Variants in PGS1 observed in about 807,000 individuals in gnomAD.
PGS1 encodes the protein phosphatidylglycerophosphate synthase 1.
A neutral mutation model predicts 58.3 loss-of-function variants in PGS1; 44 were observed. The observed-to-expected ratio is 0.75, with a 90% CI of 0.59 to 0.97. PGS1 has a LOEUF of 0.97. Ranked by LOEUF, PGS1 falls within the 50% of genes least tolerant of loss-of-function variation. The pLI is 0.00. For synonymous variants in PGS1, 330 were observed against 311.0 expected, an observed-to-expected ratio of 1.06 and a Z score of -0.64; for missense variants, 684 against 731.1, an observed-to-expected ratio of 0.94 and a Z score of 0.74.
At chr17:78,403,053 C>T (rs999064370) in intron 6 of PGS1, among the ~76,000 whole-genome samples, 1 of 152,144 alleles carries the variant, frequency 6.6e-6, no homozygotes, top group Non-Finnish European at 1.5e-5. Context: ...GATGGCTTGC[C>T]CTGTGACCCC....
chr17:78,415,753 AT>A (rs1348789960), intron 8 of PGS1, among the ~76,000 whole-genome samples: 1 of 152,238 alleles, frequency 6.6e-6, no homozygotes, highest in African/African-American at 2.4e-5. Flanking sequence ...ATGACCCTCT[AT>A]TTGATGACCT....
Position 78,422,421 on chromosome 17 carries a change from G to A in PGS1, c.*11-1640G>A, listed in dbSNP as rs138892006. Reference sequence around the variant, plus strand: ...ATGCTTCTTAACCCATGATTTAGGTGAGTAAACTTGGAAAAATGTTTTTGC... The same window carrying A: ...ATGCTTCTTAACCCATGATTTAGGTAAGTAAACTTGGAAAAATGTTTTTGC... On this transcript the variant is annotated intron_variant, in intron 9 of 9. Coordinates refer to ENST00000262764, the MANE Select transcript of PGS1 (RefSeq NM_024419.5). Among the ~76,000 whole-genome samples, 991 of 129,610 alleles carry A rather than the reference G, an allele frequency of 7.6e-3. 6 individuals are homozygous for A. The highest frequency in any genetic ancestry group is 9.6e-3 in the Non-Finnish European group (542 of 56,434). The allele number at this position is 129,610 out of a possible 152,430, so 85.0% of individuals were successfully genotyped here.
intron 7 of PGS1, among the ~76,000 whole-genome samples, chr17:78,413,465 C>G (rs1464470692): frequency 6.6e-6 from 1 of 152,196 alleles, no homozygotes; most frequent in Non-Finnish European, 1.5e-5. Flanking sequence ...TGCCCTCACT[C>G]ACAGCTGCTC....
chr17:78,411,869 C>T (rs562812604), intron 7 of PGS1, among the ~76,000 whole-genome samples: 12 of 131,132 alleles, frequency 9.2e-5, no homozygotes, highest in Admixed American at 4.2e-4. Context: ...AGGCCTAGAG[C>T]GAGGGAGATG....
At chr17:78,416,167 C>T (rs1348260450) in intron 8 of PGS1, among the ~76,000 whole-genome samples, 2 of 152,312 alleles carry the variant, frequency 1.3e-5, no homozygotes, top group South Asian at 2.1e-4. Flanking sequence ...GTGAAGCGGT[C>T]ATCCTCTGGG....
At chr17:78,419,988 G>C in intron 9 of PGS1, 1 of 1,169,560 alleles carries the variant, frequency 8.6e-7, no homozygotes, top group Admixed American at 3.8e-5. Flanking sequence ...AAGCCCTGGG[G>C]CAAGGGCTCA....
At chr17:78,423,964 GTCT>G (rs749838869) in intron 9 of PGS1, 94 bp from the exon 10 acceptor site, 1 of 1,613,914 alleles carries the variant, frequency 6.2e-7, no homozygotes, top group African/African-American at 1.3e-5. Context: ...CTTCTCTTTG[GTCT>G]TCAAGTTAAA....
At chr17:78,421,472 C>T (rs2085739294) in intron 9 of PGS1, 1 of 152,384 alleles carries the variant, frequency 6.6e-6, no homozygotes, top group African/African-American at 2.4e-5. Context: ...GTTGCAGCTT[C>T]CGCACCAGGC....
At chr17:78,409,265 G>A (rs1207232530) in intron 7 of PGS1, among the ~76,000 whole-genome samples, 2 of 152,262 alleles carry the variant, frequency 1.3e-5, no homozygotes, top group African/African-American at 4.8e-5. Flanking sequence ...CAGAAAGTGA[G>A]TTTTAGCATG....
At chr17:78,420,319 C>T (rs573578149) in intron 9 of PGS1, 3 of 728,398 alleles carry the variant, frequency 4.1e-6, no homozygotes, top group South Asian at 1.2e-4. Flanking sequence ...CCACAGTCAC[C>T]TGAGGTACCC....
Position 78,424,309 on chromosome 17 carries a change from T to A in PGS1, c.*259T>A. The A allele has an allele frequency of 1.1e-6, 1 of 900,086 alleles. No individual in the cohort carries two copies. Among genetic ancestry groups the A allele is most frequent in the East Asian group, 2.7e-5 (1 of 37,388 alleles). 55.8% of individuals were successfully genotyped at this position (900,086 alleles called of 1,614,324 possible). ...GCTGCCACGGCTGGAAGCAGAGGCC[T>A]TCGTAGGTGATGGCCTGCATGTTGT... On this transcript the variant is annotated 3_prime_UTR_variant, in exon 10 of 10. Transcript: ENST00000262764.
At chr17:78,382,862 G>A (rs992634822) in intron 1 of PGS1, 1 of 152,018 alleles carries the variant, frequency 6.6e-6, no homozygotes, top group African/African-American at 2.4e-5. Context: ...AGCTAGGATG[G>A]TCTCGATCTC....
intron 7 of PGS1, among the ~76,000 whole-genome samples, chr17:78,404,704 A>G (rs2083975958): frequency 6.6e-6 from 1 of 152,176 alleles, no homozygotes; most frequent in African/African-American, 2.4e-5. Flanking sequence ...CTTGTCGCTC[A>G]GGCTGGAGTG....
At chr17:78,393,114 G>A (rs2082949794) in intron 2 of PGS1, among the ~76,000 whole-genome samples, 1 of 150,452 alleles carries the variant, frequency 6.6e-6, no homozygotes, top group Admixed American at 6.6e-5. Flanking sequence ...AGGCTAGAGT[G>A]CAGTGGCTCA....
intron 1 of PGS1, among the ~76,000 whole-genome samples, chr17:78,386,428 G>A (rs191954904): frequency 6.6e-6 from 1 of 152,112 alleles, no homozygotes; most frequent in Non-Finnish European, 1.5e-5. Context: ...GGTGGCAGAA[G>A]GTTATTATCT....
intron 1 of PGS1, among the ~76,000 whole-genome samples, chr17:78,384,960 G>A (rs997225497): frequency 2.0e-5 from 3 of 152,230 alleles, no homozygotes; most frequent in East Asian, 1.9e-4. Flanking sequence ...AGAAGCGGGC[G>A]CCCGGTAGGG....
At chr17:78,381,453 C>T (rs946334977) in intron 1 of PGS1, among the ~76,000 whole-genome samples, 1 of 152,080 alleles carries the variant, frequency 6.6e-6, no homozygotes, top group Admixed American at 6.6e-5. Flanking sequence ...TTGCCTTATT[C>T]GGTTTGCAGT....
At chr17:78,405,820 C>A (rs553911345) in intron 7 of PGS1, among the ~76,000 whole-genome samples, 1 of 152,288 alleles carries the variant, frequency 6.6e-6, no homozygotes, top group African/African-American at 2.4e-5. Flanking sequence ...CTGTTTTGCT[C>A]CTTCTCTTGT....
At chr17:78,423,066 C>T (rs539919830) in intron 9 of PGS1, among the ~76,000 whole-genome samples, 1 of 151,520 alleles carries the variant, frequency 6.6e-6, no homozygotes, top group East Asian at 2.0e-4. Context: ...TCATTGCACT[C>T]CAGCCTGGGC....
Sources: gnomAD v4.1 joint callset for allele counts (sites outside exome capture counted in the v4.1 genomes callset) on GRCh38, gnomAD v4.1.1 for gene constraint, MANE v1.5 for transcripts, NCBI Gene and HGNC (gene_info 2026-07-23, HGNC 2026-07-21) for gene names.